Variants in TRAPPC9 observed in about 807,000 individuals in gnomAD.
TRAPPC9 encodes the protein trafficking protein particle complex subunit 9, also known as IKK2 binding protein.
TRAPPC9 carries 83 observed loss-of-function variants against 124.0 expected under a neutral mutation model. That is an observed-to-expected ratio of 0.67 (90% CI 0.56 to 0.80). The LOEUF (loss-of-function observed/expected upper bound fraction) is 0.80. Ranked by LOEUF, TRAPPC9 falls within the 30% of genes least tolerant of loss-of-function variation. The pLI, the probability that TRAPPC9 is intolerant of heterozygous loss-of-function variation, is 0.00. For missense variants in TRAPPC9, 1,302 were observed against 1,508.3 expected (o/e 0.86, Z 2.27); for synonymous variants, 638 against 617.5 (o/e 1.03, Z -0.49).
chr8:140,414,217 C>A (rs982613228), intron 5 of TRAPPC9, among the ~76,000 whole-genome samples: 1 of 152,036 alleles, frequency 6.6e-6, no homozygotes, highest in African/African-American at 2.4e-5. Flanking sequence ...AAATATTCTA[C>A]AGTAGAAATT....
At chr8:140,235,438 A>G (rs2063709029) in intron 16 of TRAPPC9, among the ~76,000 whole-genome samples, 1 of 152,246 alleles carries the variant, frequency 6.6e-6, no homozygotes, top group South Asian at 2.1e-4. Context: ...GAGTACTACT[A>G]TAAATCAGTT....
intron 19 of TRAPPC9, among the ~76,000 whole-genome samples, chr8:139,934,635 G>T (rs1163181682): frequency 6.6e-6 from 1 of 152,164 alleles, no homozygotes; most frequent in Non-Finnish European, 1.5e-5. Flanking sequence ...TCAGGAAACT[G>T]CCTTCCATCC....
At chr8:140,286,013 C>A (rs536711872) in intron 13 of TRAPPC9, among the ~76,000 whole-genome samples, 1 of 152,318 alleles carries the variant, frequency 6.6e-6, no homozygotes, top group South Asian at 2.1e-4. Context: ...GCGAGACACA[C>A]GAGGCCAGCA....
chr8:140,175,727 G>A (rs1198027143), intron 17 of TRAPPC9, among the ~76,000 whole-genome samples: 2 of 152,222 alleles, frequency 1.3e-5, no homozygotes, highest in African/African-American at 4.8e-5. Context: ...TCTGTGTGCT[G>A]TGCTCCAATG....
At chr8:139,859,510 A>T (rs1352929739) in intron 21 of TRAPPC9, among the ~76,000 whole-genome samples, 1 of 152,214 alleles carries the variant, frequency 6.6e-6, no homozygotes, top group Non-Finnish European at 1.5e-5. Context: ...AGGAAAATTC[A>T]TGCTTCTCCC....
chr8:140,201,735 C>T (rs2062794978), intron 17 of TRAPPC9, among the ~76,000 whole-genome samples: 1 of 152,172 alleles, frequency 6.6e-6, no homozygotes, highest in South Asian at 2.1e-4. Context: ...AACTCCCACT[C>T]AAACACTAAG....
rs59393001 is a variant in TRAPPC9 at position 140,446,293 on chromosome 8, C to CAAAAAAAA, written c.584+4489_584+4496dup. ...TGGGCGAAAGAGTAAGACTCTGTCTCAAAAAAAAAAAAAAAAAAAGCAGAC... is the reference window on the plus strand; with the variant it reads ...TGGGCGAAAGAGTAAGACTCTGTCTCAAAAAAAAAAAAAAAAAAAAAAAAAAAGCAGAC... On this transcript the variant is annotated intron_variant, in intron 2 of 22. Transcript: ENST00000438773. Among the ~76,000 whole-genome samples, 12 of 110,326 alleles carry CAAAAAAAA rather than the reference C, an allele frequency of 1.1e-4. 2 individuals carry two copies. The highest frequency in any genetic ancestry group is 1.0e-4 in the Admixed American group (1 of 9,944). The allele number at this position is 110,326 out of a possible 152,430, so 72.4% of individuals were successfully genotyped here.
At chr8:139,904,874 C>G (rs944982813) in intron 20 of TRAPPC9, 11 of 152,346 alleles carry the variant, frequency 7.2e-5, no homozygotes, top group African/African-American at 2.6e-4. Context: ...GCCTCTGACC[C>G]CAGGCTCCAG....
At chr8:140,285,528 C>A (rs1170921634) in intron 13 of TRAPPC9, among the ~76,000 whole-genome samples, 1 of 152,180 alleles carries the variant, frequency 6.6e-6, no homozygotes, top group Non-Finnish European at 1.5e-5. Flanking sequence ...AAGCCAGCAT[C>A]CTTTGGCACC....
intron 2 of TRAPPC9, among the ~76,000 whole-genome samples, chr8:140,439,858 A>AT (rs2070945752): frequency 8.2e-6 from 1 of 121,450 alleles, no homozygotes; most frequent in Non-Finnish European, 1.9e-5. Context: ...CTTAAGATAG[A>AT]TGATTTTTTT....
At chr8:139,918,888 C>A (rs1006952679) in intron 19 of TRAPPC9, among the ~76,000 whole-genome samples, 2 of 152,202 alleles carry the variant, frequency 1.3e-5, no homozygotes, top group African/African-American at 4.8e-5. Context: ...AAATTGATTT[C>A]TTTCTGCAGA....
intron 20 of TRAPPC9, among the ~76,000 whole-genome samples, chr8:139,892,050 A>G (rs1830386130): frequency 6.6e-6 from 1 of 152,192 alleles, no homozygotes; most frequent in Admixed American, 6.5e-5. Context: ...TTCTGCATGA[A>G]TATGTGCATG....
chr8:139,947,907 T>TATATATATATATATAGAGAG, intron 19 of TRAPPC9, among the ~76,000 whole-genome samples: 6 of 60,360 alleles, frequency 9.9e-5, no homozygotes, highest in East Asian at 4.4e-4. Flanking sequence ...TATATATATA[T>TATATATATATATATAGAGAG]AGAGAGAGAG....
intron 19 of TRAPPC9, chr8:139,916,612 C>G (rs915708452): frequency 6.6e-6 from 1 of 152,202 alleles, no homozygotes; most frequent in Non-Finnish European, 1.5e-5. Context: ...AAAATTAATA[C>G]TATTATTGAA....
chr8:140,364,370 A>G (rs73356417), intron 8 of TRAPPC9, among the ~76,000 whole-genome samples: 10,271 of 151,684 alleles, frequency 0.068, 896 homozygotes, highest in African/African-American at 0.2. Flanking sequence ...AGCAAATGGG[A>G]ATTCCATTCA....
chr8:140,437,236 T>C (rs1393180702), intron 3 of TRAPPC9, among the ~76,000 whole-genome samples: 1 of 152,194 alleles, frequency 6.6e-6, no homozygotes, highest in Non-Finnish European at 1.5e-5. Context: ...TTTTGTTTTG[T>C]AGAAGTGAGG....
At chr8:140,122,982 C>T (rs149612629) in intron 17 of TRAPPC9, among the ~76,000 whole-genome samples, 1 of 152,286 alleles carries the variant, frequency 6.6e-6, no homozygotes, top group Non-Finnish European at 1.5e-5. Context: ...CTACTGGGTC[C>T]TATACATTTT....
chr8:140,376,799 C>A lies in TRAPPC9; in HGVS notation c.1135-5619G>T, dbSNP rs116556356. 6.9e-3 allele frequency among the ~76,000 whole-genome samples: 1,045 copies of A among 150,714 alleles called. 11 individuals are homozygous for A. Among genetic ancestry groups the A allele is most frequent in the African/African-American group, 0.024 (1,000 of 40,832 alleles). ...GCTGAGGCAGGAGAATCACTTGAAC[C>A]TGGGAGGTGGAAGTTAGCAGTGAAC... On this transcript the variant is annotated intron_variant, in intron 7 of 22. Transcript: ENST00000438773.
intron 21 of TRAPPC9, among the ~76,000 whole-genome samples, chr8:139,765,737 A>G (rs59229119): frequency 0.015 from 2,341 of 152,262 alleles, 57 homozygotes; most frequent in African/African-American, 0.054. Flanking sequence ...AGGAACAACC[A>G]TAGGAGTGGA....
Sources: gnomAD v4.1 joint callset for allele counts (sites outside exome capture counted in the v4.1 genomes callset) on GRCh38, gnomAD v4.1.1 for gene constraint, MANE v1.5 for transcripts, NCBI Gene and HGNC (gene_info 2026-07-23, HGNC 2026-07-21) for gene names.